The following TTYH2 variants were observed in gnomAD, a reference collection of about 807,000 sequenced individuals.
TTYH2 encodes the protein tweety family member 2, also known as protein tweety homolog 2.
A neutral mutation model predicts 68.3 loss-of-function variants in TTYH2; 49 were observed. The observed-to-expected ratio is 0.72, with a 90% CI of 0.57 to 0.91. The LOEUF is 0.91. TTYH2 is among the 40% of genes least tolerant of loss of function. The pLI, the probability that TTYH2 is intolerant of heterozygous loss-of-function variation, is 0.00. For missense variants in TTYH2, 631 were observed against 700.4 expected (o/e 0.90, Z 1.12); for synonymous variants, 272 against 300.8 (o/e 0.90, Z 0.99).
At chr17:74,224,296 G>A (rs1389252123) in intron 2 of TTYH2, among the ~76,000 whole-genome samples, 1 of 152,168 alleles carries the variant, frequency 6.6e-6, no homozygotes, top group Admixed American at 6.5e-5. Context: ...GACTGAGGCA[G>A]GAGGATGATG....
chr17:74,249,444 C>A (rs1376649881), intron 8 of TTYH2, 45 bp downstream of exon 8: 3 of 1,602,346 alleles, frequency 1.9e-6, no homozygotes, highest in Admixed American at 1.7e-5. Context: ...ACAGCCGCTC[C>A]CCCTTGACCC....
chr17:74,213,600 C>A lies in TTYH2; in HGVS notation c.13C>A (p.Arg5Ser), dbSNP rs1260907074. MQAA[R>S]VDYIAPWWVV... ...CTCGGGCCGAGCCATGCAGGCGGCG[C>A]GCGTGGACTACATCGCTCCCTGGTG... is the stretch of plus-strand genomic sequence containing the variant. Residue 5 changes from arginine to serine, a missense_variant, in exon 1 of 14, where the codon CGC becomes AGC. Physicochemically the swap from Arg to Ser is moderately radical, Grantham distance 110. Coordinates refer to ENST00000269346, the MANE Select transcript of TTYH2 (RefSeq NM_032646.6). This position sits in a 1 kb window ranked among gnomAD's most constrained non-coding sequence, Gnocchi z 6.1. The A allele has an allele frequency of 6.2e-7, 1 of 1,610,894 alleles. No individual in the cohort carries two copies.
At chr17:74,224,342 G>A (rs1308879638) in intron 2 of TTYH2, among the ~76,000 whole-genome samples, 4 of 152,052 alleles carry the variant, frequency 2.6e-5, no homozygotes, top group East Asian at 1.9e-4. Context: ...AGCCATGATC[G>A]CTCCATCGCA....
At chr17:74,257,697 T>C (rs2050707180) in intron 13 of TTYH2, among the ~76,000 whole-genome samples, 1 of 152,204 alleles carries the variant, frequency 6.6e-6, no homozygotes, top group Admixed American at 6.5e-5. Context: ...TTTTAGGCAC[T>C]GTTTCTTGGA....
At chr17:74,248,277 G>C (rs2050581493) in intron 6 of TTYH2, 3 of 985,710 alleles carry the variant, frequency 3.0e-6, no homozygotes, top group Non-Finnish European at 3.6e-6. Flanking sequence ...GCCAGATCTG[G>C]GGTGCGCCTG....
chr17:74,257,982 C>T (rs979364146), intron 13 of TTYH2, among the ~76,000 whole-genome samples: 8 of 151,782 alleles, frequency 5.3e-5, no homozygotes, highest in African/African-American at 1.7e-4. Context: ...GGTGAAACCC[C>T]GTCTCTACTA....
At chr17:74,238,839 C>T in intron 4 of TTYH2, among the ~76,000 whole-genome samples, 1 of 151,376 alleles carries the variant, frequency 6.6e-6, no homozygotes, top group East Asian at 1.9e-4. Context: ...CACACTCCAG[C>T]CTCAGCAACA....
At chr17:74,247,779 A>G (rs1444194770) in intron 6 of TTYH2, among the ~76,000 whole-genome samples, 1 of 152,104 alleles carries the variant, frequency 6.6e-6, no homozygotes, top group Non-Finnish European at 1.5e-5. Flanking sequence ...GGCCAGGTTG[A>G]TGTATTATGA....
At position 74,230,759 on chromosome 17, in the gene TTYH2, C is replaced by G. The variant is rs1440882581; in HGVS notation, c.303-129C>G. 6.9e-6 allele frequency: 6 copies of G among 864,812 alleles called. No individual in the cohort carries two copies. In the South Asian group the frequency reaches 1.0e-4, roughly 15 times the overall value. 53.6% of individuals were successfully genotyped at this position (864,812 alleles called of 1,614,324 possible). A position where few individuals can be genotyped will look rare whatever the true frequency, so the allele number is the denominator to read the frequency against. On this transcript the variant is annotated intron_variant, in intron 2 of 13. Transcript: ENST00000269346. Reference sequence around the variant, plus strand: ...GGGTTCAAGCAATTCTATGCCTCAACTCAACCTCCTGAGTAGCTGGGATTA... The same window carrying G: ...GGGTTCAAGCAATTCTATGCCTCAAGTCAACCTCCTGAGTAGCTGGGATTA...
chr17:74,256,037 C>T (rs973636727), intron 13 of TTYH2, among the ~76,000 whole-genome samples: 2 of 152,054 alleles, frequency 1.3e-5, no homozygotes, highest in African/African-American at 2.4e-5. Context: ...GTGTCAGACC[C>T]GAGAAAAGAG....
Position 74,222,705 on chromosome 17 carries a change from A to T in TTYH2, c.302+48A>T. ...CTTGGGGTGTGTGACTCAGTCTGCA[A>T]GGGGCCAGGGACTGTTTGACCATGT... On this transcript the variant is annotated intron_variant, in intron 2 of 13. Transcript: ENST00000269346. This position sits in a 1 kb window ranked among gnomAD's most constrained non-coding sequence, Gnocchi z 5.2. The T allele has an allele frequency of 6.4e-7, 1 of 1,560,132 alleles. No homozygotes were observed.
chr17:74,218,852 A>C (rs1389677638), intron 1 of TTYH2, among the ~76,000 whole-genome samples: 1 of 152,162 alleles, frequency 6.6e-6, no homozygotes, highest in Non-Finnish European at 1.5e-5. Context: ...GGCAAACTCA[A>C]AGGGTAGCTG....
chr17:74,230,550 A>T (rs1475348651), intron 2 of TTYH2, among the ~76,000 whole-genome samples: 5 of 152,154 alleles, frequency 3.3e-5, no homozygotes, highest in Non-Finnish European at 7.3e-5. Context: ...AGGGTGGAGT[A>T]AGAGGCTGTG....
chr17:74,257,745 C>T (rs1274625574), intron 13 of TTYH2, among the ~76,000 whole-genome samples: 2 of 152,246 alleles, frequency 1.3e-5, no homozygotes, highest in African/African-American at 4.8e-5. Flanking sequence ...GTTAAAGATA[C>T]TGACGTTGAG....
intron 10 of TTYH2, chr17:74,250,676 A>C: frequency 4.3e-6 from 1 of 232,182 alleles, no homozygotes; most frequent in Non-Finnish European, 8.4e-6. Flanking sequence ...TCCTCAACAC[A>C]TCTGTCTCCC....
chr17:74,252,333 A>G lies in TTYH2; in HGVS notation c.1216A>G (p.Met406Val), dbSNP rs1387813551. ...CCTGGCCGCCCTCGCCTTCTCCACC[A>G]TGATCTGTGCAGGGCCAAGGGCCTG... is the stretch of plus-strand genomic sequence containing the variant. ...SFLAALAFST[M>V]ICAGPRAWKH... Residue 406 changes from methionine (M) to valine (V), a missense_variant, in exon 11 of 14, where the codon ATG becomes GTG. Transcript: ENST00000269346. 8 of 1,613,744 alleles carry G rather than the reference A, an allele frequency of 5.0e-6. No homozygotes were observed. Among genetic ancestry groups the G allele is most frequent in the African/African-American group, 4.0e-5 (3 of 74,918 alleles).
intron 4 of TTYH2, among the ~76,000 whole-genome samples, chr17:74,237,996 C>T (rs1050354194): frequency 1.3e-5 from 2 of 152,142 alleles, no homozygotes; most frequent in Non-Finnish European, 2.9e-5. Context: ...ACAGGGGCCA[C>T]GTGGTGAGCA....
intron 13 of TTYH2, among the ~76,000 whole-genome samples, chr17:74,255,624 G>T (rs755616539): frequency 2.0e-5 from 3 of 151,840 alleles, no homozygotes; most frequent in African/African-American, 7.3e-5. Flanking sequence ...GCTAATTTTT[G>T]TATTTTTAGC....
chr17:74,242,352 G>A (rs372605192), intron 4 of TTYH2, among the ~76,000 whole-genome samples: 78 of 152,336 alleles, frequency 5.1e-4, no homozygotes, highest in Admixed American at 9.8e-4. Context: ...GCCAAGCTCA[G>A]TGCCTGGCAC....
Sources: allele counts gnomAD v4.1 joint callset (sites outside exome capture counted in the v4.1 genomes callset), GRCh38; gene constraint gnomAD v4.1.1; non-coding constraint Gnocchi (gnomAD v3.1); transcripts MANE v1.5; gene names NCBI Gene and HGNC (gene_info 2026-07-23, HGNC 2026-07-21).